The following LMO2 variants were observed in gnomAD, a reference collection of about 807,000 sequenced individuals.
The protein encoded by LMO2 is LIM domain only 2.
Under a neutral mutation model 23.2 loss-of-function variants are expected in LMO2, and 20 were observed. The observed-to-expected ratio is 0.86, with a 90% CI of 0.61 to 1.25. LMO2 has a LOEUF of 1.25. LMO2 is among the 50% of genes most tolerant of loss of function. LMO2 has a pLI of 0.00. For synonymous variants in LMO2, 123 were observed against 130.2 expected, an observed-to-expected ratio of 0.94 and a Z score of 0.38; for missense variants, 270 against 315.3, an observed-to-expected ratio of 0.86 and a Z score of 1.09.
intron 1 of LMO2, among the ~76,000 whole-genome samples, chr11:33,884,648 C>G (rs1857362915): frequency 6.6e-6 from 1 of 152,162 alleles, no homozygotes; most frequent in Admixed American, 6.5e-5. Flanking sequence ...AAGGTCACCC[C>G]AGGCTACAGG....
intron 1 of LMO2, among the ~76,000 whole-genome samples, chr11:33,884,073 G>A (rs1456254315): frequency 2.0e-5 from 3 of 152,090 alleles, no homozygotes; most frequent in South Asian, 2.1e-4. Context: ...ATGCCAAAAC[G>A]CACCACACCT....
Position 33,858,978 on chromosome 11 carries a change from T to C in LMO2, c.*378A>G, listed in dbSNP as rs539759338. 5.6e-5 allele frequency: 15 copies of C among 268,878 alleles called. No individual in the cohort carries two copies. Among genetic ancestry groups the C allele is most frequent in the Non-Finnish European group, 2.9e-5 (4 of 138,316 alleles). The allele number at this position is 268,878 out of a possible 1,614,324, so 16.7% of individuals were successfully genotyped here. ...GAAGAAAAGAAATCAATTGCACATC[T>C]CTAGTTCGCAAGCGTCAAAGTCACA... On this transcript the variant is annotated 3_prime_UTR_variant, in exon 6 of 6. Transcript: ENST00000257818.
At position 33,864,558 on chromosome 11, in the gene LMO2, C is replaced by G; in HGVS notation, c.464+44G>C. ...CCGACTGCAGATGTCCATGGACCACCCAGCCTCCCTTCCGAGGGCCCAGTG... is the reference window on the plus strand; with the variant it reads ...CCGACTGCAGATGTCCATGGACCACGCAGCCTCCCTTCCGAGGGCCCAGTG... On this transcript the variant is annotated intron_variant, in intron 5 of 5. Transcript: ENST00000257818. This position sits in a 1 kb window ranked among gnomAD's most constrained non-coding sequence, Gnocchi z 4.8. 1 of 1,545,328 alleles carries G rather than the reference C, an allele frequency of 6.5e-7. No homozygotes were observed. Among genetic ancestry groups the G allele is most frequent in the Non-Finnish European group, 8.8e-7 (1 of 1,130,788 alleles).
intron 5 of LMO2, 67 bp from the exon 6 acceptor site, chr11:33,859,642 G>C: frequency 1.4e-6 from 2 of 1,463,162 alleles, no homozygotes; most frequent in South Asian, 2.4e-5. Context: ...AGGGCTCGGG[G>C]ATGAGCCCTA....
chr11:33,860,258 C>A (rs1419713044), intron 5 of LMO2, among the ~76,000 whole-genome samples: 1 of 152,178 alleles, frequency 6.6e-6, no homozygotes, highest in Admixed American at 6.5e-5. Context: ...TAATTCATGG[C>A]CCTCGCTGCC....
chr11:33,875,747 T>C (rs576448909), intron 2 of LMO2, among the ~76,000 whole-genome samples: 95 of 152,302 alleles, frequency 6.2e-4, no homozygotes, highest in Middle Eastern at 3.4e-3. Flanking sequence ...TATTTGCTGC[T>C]TCAAGTTCAA....
At chr11:33,876,696 C>T (rs1024917629) in intron 2 of LMO2, among the ~76,000 whole-genome samples, 1 of 152,232 alleles carries the variant, frequency 6.6e-6, no homozygotes, top group East Asian at 1.9e-4. Flanking sequence ...ACTGCAGAAC[C>T]TCTACCCTCT....
At position 33,871,241 on chromosome 11, in the gene LMO2, G is replaced by A. The variant is rs536982449; in HGVS notation, c.-271-1254C>T. Among the ~76,000 whole-genome samples the A allele has an allele frequency of 3.6e-5, 5 of 139,486 alleles. No homozygotes were observed. In the East Asian group the frequency reaches 1.0e-3, roughly 29 times the overall value. 91.5% of individuals were successfully genotyped at this position (139,486 alleles called of 152,430 possible). ...TGTGTGTGTGTGTGTGTGTGTGTGTGTCCCAAAGGAAGCCTTAAGAGCAAA... is the reference window on the plus strand; with the variant it reads ...TGTGTGTGTGTGTGTGTGTGTGTGTATCCCAAAGGAAGCCTTAAGAGCAAA... On this transcript the variant is annotated intron_variant, in intron 2 of 5. Coordinates refer to ENST00000257818, the MANE Select transcript of LMO2 (RefSeq NM_005574.4).
At chr11:33,872,685 TGTAA>T (rs1173628997) in intron 2 of LMO2, among the ~76,000 whole-genome samples, 1 of 152,134 alleles carries the variant, frequency 6.6e-6, no homozygotes, top group Non-Finnish European at 1.5e-5. Flanking sequence ...AAATAAAACA[TGTAA>T]GTGTTTTCCA....
chr11:33,859,025 C>A lies in LMO2; in HGVS notation c.*331G>T, dbSNP rs1448816818. 2 of 365,018 alleles carry A rather than the reference C, an allele frequency of 5.5e-6. No homozygotes were observed. Among genetic ancestry groups the A allele is most frequent in the African/African-American group, 4.0e-5 (2 of 50,022 alleles). The allele number at this position is 365,018 out of a possible 1,614,324, so 22.6% of individuals were successfully genotyped here. Reference sequence around the variant, plus strand: ...CACAACAAGTCTGTACACAACAACTCTCTATCTGTAGATATGAAATTCCAT... The same window carrying A: ...CACAACAAGTCTGTACACAACAACTATCTATCTGTAGATATGAAATTCCAT... On this transcript the variant is annotated 3_prime_UTR_variant, in exon 6 of 6. Transcript: ENST00000257818.
chr11:33,889,683 C>T (rs1430435190), intron 1 of LMO2, among the ~76,000 whole-genome samples: 7 of 152,220 alleles, frequency 4.6e-5, no homozygotes, highest in Non-Finnish European at 1.0e-4. Context: ...GAAAAGGAAA[C>T]TCTTATACGC....
chr11:33,860,240 G>C (rs1452915819), intron 5 of LMO2, among the ~76,000 whole-genome samples: 1 of 152,196 alleles, frequency 6.6e-6, no homozygotes, highest in African/African-American at 2.4e-5. Flanking sequence ...ACCATGAAGG[G>C]AGGATCTTAA....
intron 4 of LMO2, chr11:33,865,200 A>G: frequency 3.1e-6 from 1 of 326,810 alleles, no homozygotes; most frequent in Admixed American, 4.1e-5. Context: ...CTCCTCCCAT[A>G]ACCTGGACAC....
chr11:33,875,596 A>AAC (rs1857120063), intron 2 of LMO2, among the ~76,000 whole-genome samples: 1 of 151,644 alleles, frequency 6.6e-6, no homozygotes, highest in African/African-American at 2.4e-5. Context: ...AAAAAAAAAA[A>AAC]AGTTTGAGCA....
intron 1 of LMO2, among the ~76,000 whole-genome samples, 155 bp downstream of exon 1, chr11:33,891,640 C>T (rs1857556907): frequency 6.6e-6 from 1 of 152,120 alleles, no homozygotes; most frequent in Non-Finnish European, 1.5e-5. Flanking sequence ...CCAGAGTGCC[C>T]GGAACACCAC....
chr11:33,889,409 G>A (rs1209198195), intron 1 of LMO2, among the ~76,000 whole-genome samples: 3 of 152,152 alleles, frequency 2.0e-5, no homozygotes, highest in Admixed American at 6.5e-5. Flanking sequence ...AGCAGCATCC[G>A]TTCAACAGAA....
intron 5 of LMO2, among the ~76,000 whole-genome samples, chr11:33,861,258 G>C (rs1186500098): frequency 6.6e-6 from 1 of 152,250 alleles, no homozygotes; most frequent in Non-Finnish European, 1.5e-5. Flanking sequence ...CTTTAGGACA[G>C]TTTTAGGTGA....
In LMO2 at chr11:33,869,887, GGCGGGGA is replaced by G. The variant is rs1856960941; in HGVS notation, c.-178_-172del. 1 of 1,050,272 alleles carries G rather than the reference GGCGGGGA, an allele frequency of 9.5e-7. No individual in the cohort carries two copies. The highest frequency in any genetic ancestry group is 4.6e-5 in the South Asian group (1 of 21,906). The allele number at this position is 1,050,272 out of a possible 1,614,324, so 65.1% of individuals were successfully genotyped here. ...GGCAGAGAGGGGGCGGCGGCCTAGG[GGCGGGGA>G]GGGGACCGTGCGTCTCTCTCCGGGC... is the stretch of plus-strand genomic sequence containing the variant. On this transcript the variant is annotated 5_prime_UTR_variant, in exon 3 of 6. Coordinates refer to ENST00000257818, the MANE Select transcript of LMO2 (RefSeq NM_005574.4).
chr11:33,869,665 C>T (rs1181591351), intron 3 of LMO2, 45 bp downstream of exon 3: 7 of 1,263,808 alleles, frequency 5.5e-6, no homozygotes, highest in East Asian at 7.1e-5. Flanking sequence ...GGCGCGCAGC[C>T]TGGCTCCAGG....
Sources: allele counts gnomAD v4.1 joint callset (sites outside exome capture counted in the v4.1 genomes callset), GRCh38; gene constraint gnomAD v4.1.1; non-coding constraint Gnocchi (gnomAD v3.1); transcripts MANE v1.5; gene names NCBI Gene and HGNC (gene_info 2026-07-23, HGNC 2026-07-21).